FAXC: variants seen among roughly 807,000 people sequenced by gnomAD.
FAXC encodes failed axon connections homolog, metaxin like GST domain containing.
Under a neutral mutation model 41.9 loss-of-function variants are expected in FAXC, and 10 were observed. The observed-to-expected ratio is 0.24, with a 90% CI of 0.15 to 0.41. FAXC has a LOEUF of 0.41. FAXC is among the 10% of genes least tolerant of loss of function. FAXC has a pLI of 1.00. For synonymous variants in FAXC, 183 were observed against 183.8 expected, an observed-to-expected ratio of 1.00 and a Z score of 0.03; for missense variants, 399 against 510.9, an observed-to-expected ratio of 0.78 and a Z score of 2.11.
chr6:99,311,288 A>C, intron 4 of FAXC, among the ~76,000 whole-genome samples: 1 of 152,204 alleles, frequency 6.6e-6, no homozygotes, highest in East Asian at 1.9e-4. Context: ...TGAACATAAA[A>C]TCATGAAGTC....
intron 4 of FAXC, among the ~76,000 whole-genome samples, chr6:99,318,836 G>A (rs1049481102): frequency 5.9e-5 from 9 of 152,098 alleles, no homozygotes; most frequent in African/African-American, 2.2e-4. Flanking sequence ...ATGTGAACCC[G>A]GGATCTGACT....
At chr6:99,323,409 T>C (rs754055785) in intron 4 of FAXC, 35 bp downstream of exon 4, 24 of 1,552,476 alleles carry the variant, frequency 1.5e-5, no homozygotes, top group Non-Finnish European at 2.1e-5. Flanking sequence ...AAGGAAAGAA[T>C]AGCAAATATA....
At chr6:99,332,171 A>G (rs1773049170) in intron 3 of FAXC, among the ~76,000 whole-genome samples, 1 of 152,146 alleles carries the variant, frequency 6.6e-6, no homozygotes, top group African/African-American at 2.4e-5. Flanking sequence ...AGAGAAAAAG[A>G]AGAGGGTCAC....
In FAXC at chr6:99,277,500, T is replaced by C. The variant is rs947226419; in HGVS notation, c.*3664A>G. On this transcript the variant is annotated 3_prime_UTR_variant, in exon 6 of 6. Transcript: ENST00000389677. ...GAATGGACATGGGTTCTTTAAAAGA[T>C]ACATAAGGAAGTATGAGGAGTCTTG... 1 of 152,340 alleles carries C rather than the reference T, an allele frequency of 6.6e-6. No individual in the cohort carries two copies. Among genetic ancestry groups the C allele is most frequent in the African/African-American group, 2.4e-5 (1 of 41,564 alleles). The allele number at this position is 152,340 out of a possible 1,614,324, so 9.4% of individuals were successfully genotyped here.
chr6:99,349,785 C>T (rs914608136), upstream of FAXC: 1 of 152,040 alleles, frequency 6.6e-6, no homozygotes, highest in Non-Finnish European at 1.5e-5. Flanking sequence ...CCGCCGGGGC[C>T]GGATCTGCAG....
intron 3 of FAXC, 94 bp downstream of exon 3, chr6:99,333,257 G>T: frequency 9.0e-7 from 1 of 1,107,634 alleles, no homozygotes; most frequent in Non-Finnish European, 1.3e-6. Flanking sequence ...TGTTAAGGTA[G>T]AAAACTGCTG....
rs1483672337 is a variant in FAXC, at chr6:99,281,157, C to T, written c.*7G>A. The T allele has an allele frequency of 1.6e-6, 2 of 1,269,378 alleles. No individual in the cohort carries two copies. The highest frequency in any genetic ancestry group is 2.3e-6 in the Non-Finnish European group (2 of 866,252). 78.6% of individuals were successfully genotyped at this position (1,269,378 alleles called of 1,614,324 possible). A position where few individuals can be genotyped will look rare whatever the true frequency, so the allele number is the denominator to read the frequency against. Reference sequence around the variant, plus strand: ...GTCCCAAGGAAGAGGGTCAGTGAGGCTGGACGTCACTTGCACTGTTCGTGG... The same window carrying T: ...GTCCCAAGGAAGAGGGTCAGTGAGGTTGGACGTCACTTGCACTGTTCGTGG... On this transcript the variant is annotated 3_prime_UTR_variant, in exon 6 of 6. Coordinates refer to ENST00000389677, the MANE Select transcript of FAXC (RefSeq NM_032511.4).
At chr6:99,299,813 CAA>C (rs1344368913) in intron 4 of FAXC, among the ~76,000 whole-genome samples, 1 of 152,110 alleles carries the variant, frequency 6.6e-6, no homozygotes, top group Non-Finnish European at 1.5e-5. Context: ...ATATGTAAGA[CAA>C]GCCACTTCCT....
chr6:99,319,846 G>A (rs1463089000), intron 4 of FAXC, among the ~76,000 whole-genome samples: 11 of 152,086 alleles, frequency 7.2e-5, no homozygotes, highest in Non-Finnish European at 1.5e-5. Context: ...AAGAAAACTT[G>A]TTTACATGTT....
At chr6:99,305,873 G>A (rs1771900639) in intron 4 of FAXC, among the ~76,000 whole-genome samples, 1 of 152,042 alleles carries the variant, frequency 6.6e-6, no homozygotes, top group Admixed American at 6.6e-5. Context: ...TACAAGACAT[G>A]GCTCTGGGTG....
Position 99,278,769 on chromosome 6 carries a change from G to A in FAXC, c.*2395C>T, listed in dbSNP as rs954790126. The A allele has an allele frequency of 2.6e-5, 4 of 152,190 alleles. No homozygotes were observed. Among genetic ancestry groups the A allele is most frequent in the African/African-American group, 9.7e-5 (4 of 41,438 alleles). The allele number at this position is 152,190 out of a possible 1,614,324, so 9.4% of individuals were successfully genotyped here. On this transcript the variant is annotated 3_prime_UTR_variant, in exon 6 of 6. Transcript: ENST00000389677. ...ATTGCCCAAGACTCCAGATAGCAAT[G>A]TCCATTCATGCCCCTGTAAGAGGTA...
At chr6:99,319,190 G>A (rs13217667) in intron 4 of FAXC, among the ~76,000 whole-genome samples, 54,759 of 151,842 alleles carry the variant, frequency 0.36, 10,610 homozygotes, top group Middle Eastern at 0.46. Context: ...GAGGTCGAGA[G>A]ATCGAGACCA....
chr6:99,306,664 G>A (rs540803935), intron 4 of FAXC, among the ~76,000 whole-genome samples: 18 of 152,182 alleles, frequency 1.2e-4, no homozygotes, highest in Admixed American at 5.9e-4. Context: ...AATCCAATAT[G>A]TAAGATAAAG....
rs774876710 is a variant in FAXC at position 99,279,907 on chromosome 6, T to G, written c.*1257A>C. 3.3e-5 allele frequency: 5 copies of G among 152,238 alleles called. No individual in the cohort carries two copies. Among genetic ancestry groups the G allele is most frequent in the Non-Finnish European group, 4.4e-5 (3 of 68,034 alleles). 9.4% of individuals were successfully genotyped at this position (152,238 alleles called of 1,614,324 possible). ...TAGTCTAACACTGCACAGAGTGCTTTGATACAAGTATCCTCTTGCTACTTC... is the reference window on the plus strand; with the variant it reads ...TAGTCTAACACTGCACAGAGTGCTTGGATACAAGTATCCTCTTGCTACTTC... On this transcript the variant is annotated 3_prime_UTR_variant, in exon 6 of 6. Transcript: ENST00000389677.
At chr6:99,332,002 CACTG>C (rs925876570) in intron 3 of FAXC, among the ~76,000 whole-genome samples, 3 of 152,208 alleles carry the variant, frequency 2.0e-5, no homozygotes, top group Admixed American at 6.5e-5. Context: ...ATTCCATGAA[CACTG>C]AGTCTGATTA....
chr6:99,302,373 C>T (rs1192935549), intron 4 of FAXC, among the ~76,000 whole-genome samples: 1 of 152,274 alleles, frequency 6.6e-6, no homozygotes, highest in South Asian at 2.1e-4. Flanking sequence ...AAGCAAATCA[C>T]GGCCACGCGC....
intron 5 of FAXC, among the ~76,000 whole-genome samples, chr6:99,284,892 A>G (rs1348470345): frequency 6.6e-6 from 1 of 151,450 alleles, no homozygotes; most frequent in African/African-American, 2.4e-5. Context: ...CCAGCCTGGG[A>G]GATAAGAGTG....
At chr6:99,344,419 A>G (rs1219591499) in intron 1 of FAXC, among the ~76,000 whole-genome samples, 1 of 151,960 alleles carries the variant, frequency 6.6e-6, no homozygotes, top group African/African-American at 2.4e-5. Context: ...GTACAACACC[A>G]CACCCCCTTC....
At chr6:99,332,373 T>G (rs988598185) in intron 3 of FAXC, among the ~76,000 whole-genome samples, 8 of 152,106 alleles carry the variant, frequency 5.3e-5, no homozygotes, top group African/African-American at 1.9e-4. Context: ...CCAAAAACAA[T>G]GGGCTTAACA....
Sources: allele counts gnomAD v4.1 joint callset (sites outside exome capture counted in the v4.1 genomes callset), GRCh38; gene constraint gnomAD v4.1.1; transcripts MANE v1.5; gene names NCBI Gene and HGNC (gene_info 2026-07-23, HGNC 2026-07-21).